COL4A6: variants seen among roughly 807,000 people sequenced by gnomAD.
COL4A6 encodes collagen type IV alpha 6 chain, also known as collagen alpha-6(IV) chain.
COL4A6 carries 59 observed loss-of-function variants against 126.7 expected under a neutral mutation model. The ratio of observed to expected loss-of-function variants is 0.47; its 90% CI spans 0.38 to 0.58. The LOEUF is 0.58. COL4A6 is among the 20% of genes least tolerant of loss of function. The probability of loss-of-function intolerance (pLI) is 0.00; values close to 1 mark genes in which losing one functional copy is unlikely to be tolerated. For synonymous variants in COL4A6, 547 were observed against 496.6 expected, an observed-to-expected ratio of 1.10 and a Z score of -1.35; for missense variants, 1,285 against 1,337.3, an observed-to-expected ratio of 0.96 and a Z score of 0.61.
At position 108,371,591 on chromosome X, in the gene COL4A6, A is replaced by C. The variant is rs759589656; in HGVS notation, c.64-60763T>G. On this transcript the variant is annotated intron_variant, in intron 2 of 44. Transcript: ENST00000334504. ...TGTCTCTATAAAAAAAAAAAAAAAAAAAAAACTCTTTTAAATATTAGCCAG... is the reference window on the plus strand; with the variant it reads ...TGTCTCTATAAAAAAAAAAAAAAAACAAAAACTCTTTTAAATATTAGCCAG... Among the ~76,000 whole-genome samples, 18 of 108,257 alleles carry C rather than the reference A, an allele frequency of 1.7e-4. 1 individual carries two copies. Among genetic ancestry groups the C allele is most frequent in the Non-Finnish European group, 2.1e-4 (11 of 52,221 alleles). 94.0% of individuals were successfully genotyped at this position (108,257 alleles called of 115,157 possible). A position where few individuals can be genotyped will look rare whatever the true frequency, so the allele number is the denominator to read the frequency against.
chrX:108,174,389 T>G, intron 31 of COL4A6, 51 bp downstream of exon 31: 107 of 1,155,819 alleles, frequency 9.3e-5, no homozygotes, highest in Non-Finnish European at 1.1e-4. Context: ...TATATCCCCG[T>G]GAGATGGGGG....
At chrX:108,361,772 T>A (rs1009306968) in intron 2 of COL4A6, among the ~76,000 whole-genome samples, 1 of 111,906 alleles carries the variant, frequency 8.9e-6, no homozygotes, top group Admixed American at 9.5e-5. Flanking sequence ...GAAACCTCAC[T>A]GATTTGAGAT....
chrX:108,307,322 C>T (rs761274295), intron 3 of COL4A6, among the ~76,000 whole-genome samples: 9 of 111,834 alleles, frequency 8.0e-5, no homozygotes, highest in Middle Eastern at 4.6e-3. Flanking sequence ...GGTGACCTTG[C>T]GCAAGTCACT....
chrX:108,179,921 G>C (rs192348183), intron 25 of COL4A6, among the ~76,000 whole-genome samples: 2 of 108,389 alleles, frequency 1.8e-5, no homozygotes, highest in Non-Finnish European at 3.8e-5. Context: ...GCAGATTACC[G>C]GGCCCATCCC....
At chrX:108,208,147 T>C (rs1326247895) in intron 8 of COL4A6, among the ~76,000 whole-genome samples, 2 of 112,137 alleles carry the variant, frequency 1.8e-5, no homozygotes, top group East Asian at 2.8e-4. Flanking sequence ...TAGATGCCTA[T>C]GCACATAATA....
chrX:108,189,128 T>A (rs1366767875), intron 20 of COL4A6, among the ~76,000 whole-genome samples: 1 of 112,401 alleles, frequency 8.9e-6, no homozygotes, highest in Non-Finnish European at 1.9e-5. Flanking sequence ...TAGCACTATG[T>A]TCTAACTCCC....
At chrX:108,312,926 A>G (rs2038794379) in intron 2 of COL4A6, among the ~76,000 whole-genome samples, 1 of 110,939 alleles carries the variant, frequency 9.0e-6, no homozygotes, top group Admixed American at 9.6e-5. Flanking sequence ...TGGATAAGAC[A>G]GGGAAAAAAA....
chrX:108,172,629 G>A, intron 31 of COL4A6, 97 bp from the exon 32 acceptor site: 1 of 652,100 alleles, frequency 1.5e-6, no homozygotes, highest in Non-Finnish European at 2.3e-6. Context: ...CCTGAGAGAT[G>A]TCCATCATGT....
intron 3 of COL4A6, among the ~76,000 whole-genome samples, chrX:108,294,401 T>G (rs922209478): frequency 3.5e-4 from 30 of 85,400 alleles, no homozygotes; most frequent in African/African-American, 1.2e-3. Flanking sequence ...GCAATTGTGT[T>G]TTTTTTTTTT....
At chrX:108,392,960 G>A (rs2040870287) in intron 2 of COL4A6, among the ~76,000 whole-genome samples, 1 of 111,879 alleles carries the variant, frequency 8.9e-6, no homozygotes, top group African/African-American at 3.3e-5. Flanking sequence ...AACAGACTAA[G>A]ACAATGGCTA....
intron 2 of COL4A6, among the ~76,000 whole-genome samples, chrX:108,319,841 G>T (rs964947384): frequency 8.9e-6 from 1 of 111,952 alleles, no homozygotes; most frequent in Non-Finnish European, 1.9e-5. Context: ...TGTTAAGATT[G>T]GAGATATTGA....
At position 108,164,870 on chromosome X, in the gene COL4A6, G is replaced by C; in HGVS notation, c.3970+7C>G. Reference sequence around the variant, plus strand: ...GAAGGGCCCAGCAGCCAGCCGAGCAGCCGTACCTTTCAGTCCTAGCTCTCC... The same window carrying C: ...GAAGGGCCCAGCAGCCAGCCGAGCACCCGTACCTTTCAGTCCTAGCTCTCC... On this transcript the variant is annotated splice_region_variant and intron_variant, in intron 39 of 44. Coordinates refer to ENST00000334504, the MANE Select transcript of COL4A6 (RefSeq NM_033641.4). The C allele has an allele frequency of 8.3e-7, 1 of 1,198,662 alleles. No individual in the cohort carries two copies. Among genetic ancestry groups the C allele is most frequent in the Non-Finnish European group, 1.1e-6 (1 of 887,640 alleles).
intron 35 of COL4A6, 120 bp from the exon 36 acceptor site, chrX:108,170,136 T>C (rs1352565175): frequency 1.7e-6 from 1 of 596,850 alleles, no homozygotes; most frequent in Non-Finnish European, 2.7e-6. Context: ...CTGGTCTTTT[T>C]TGAGGCATTT....
At chrX:108,292,726 A>G (rs1267880130) in intron 3 of COL4A6, among the ~76,000 whole-genome samples, 2 of 110,164 alleles carry the variant, frequency 1.8e-5, no homozygotes, top group African/African-American at 6.6e-5. Flanking sequence ...ATCTGTTTCA[A>G]TCCAACTCAG....
intron 32 of COL4A6, 90 bp downstream of exon 32, chrX:108,172,365 GAAAAAAAAAAAAAA>G (rs397935341): frequency 1.1e-5 from 1 of 88,379 alleles, no homozygotes; most frequent in Non-Finnish European, 1.8e-5. Context: ...GCCTAAAAAA[GAAAAAAAAAAAAAA>G]AAAAAAAAAA....
At chrX:108,161,580 T>TCCCCC in intron 42 of COL4A6, 39 bp downstream of exon 42, 25 of 644,841 alleles carry the variant, frequency 3.9e-5, no homozygotes, top group South Asian at 8.4e-5. Context: ...CAGACCACCA[T>TCCCCC]CCCCGCCCCG....
chrX:108,171,832 G>A (rs148561819), intron 32 of COL4A6, among the ~76,000 whole-genome samples: 1 of 111,976 alleles, frequency 8.9e-6, no homozygotes, highest in African/African-American at 3.2e-5. Context: ...GACTGGAGCC[G>A]AGGTTCTCCT....
rs1276939048 is a variant in COL4A6 at position 108,197,672 on chromosome X, G to T, written c.835-1093C>A. ...ACTGAAAGCTGGTTAAGGACCCCTT[G>T]GCTTTCTGGGCCCAGGGTTTTTCAT... On this transcript the variant is annotated intron_variant, in intron 13 of 44. Coordinates refer to ENST00000334504, the MANE Select transcript of COL4A6 (RefSeq NM_033641.4). 2.1e-4 allele frequency among the ~76,000 whole-genome samples: 23 copies of T among 110,361 alleles called. No homozygotes were observed. In the Admixed American group the frequency reaches 2.2e-3, roughly 11 times the overall value.
intron 2 of COL4A6, among the ~76,000 whole-genome samples, chrX:108,327,075 C>T (rs1022037170): frequency 2.7e-5 from 3 of 111,049 alleles, no homozygotes; most frequent in South Asian, 3.9e-4. Context: ...GACAAAGACC[C>T]GTACCTGTCT....
Sources: allele counts gnomAD v4.1 joint callset (sites outside exome capture counted in the v4.1 genomes callset), GRCh38; gene constraint gnomAD v4.1.1; transcripts MANE v1.5; gene names NCBI Gene and HGNC (gene_info 2026-07-23, HGNC 2026-07-21).